FAM149B1: variants seen among roughly 807,000 people sequenced by gnomAD.
FAM149B1 encodes primary cilium assembly protein FAM149B1.
A neutral mutation model predicts 75.3 loss-of-function variants in FAM149B1; 56 were observed. The ratio of observed to expected loss-of-function variants is 0.74; its 90% CI spans 0.60 to 0.93. FAM149B1 has a LOEUF of 0.93. Ranked by LOEUF, FAM149B1 falls within the 40% of genes least tolerant of loss-of-function variation. FAM149B1 has a pLI of 0.00. For missense variants in FAM149B1, 639 were observed against 708.4 expected (o/e 0.90, Z 1.11); for synonymous variants, 259 against 256.1 (o/e 1.01, Z -0.11).
intron 3 of FAM149B1, among the ~76,000 whole-genome samples, chr10:73,182,495 C>A (rs141114146): frequency 6.6e-6 from 1 of 152,248 alleles, no homozygotes; most frequent in East Asian, 1.9e-4. Flanking sequence ...TACAGGCATG[C>A]GCCACTGCAC....
Position 73,243,326 on chromosome 10 carries a change from C to T in FAM149B1, c.*2307C>T. The T allele has an allele frequency of 3.2e-6, 5 of 1,564,802 alleles. No homozygotes were observed. The highest frequency in any genetic ancestry group is 4.3e-6 in the Non-Finnish European group (5 of 1,152,134). ...TCTCAAGAGCTGAATTGACTTTTGC[C>T]TTCAAATCCTGCCTGCACCTTGCCT... is the stretch of plus-strand genomic sequence containing the variant. On this transcript the variant is annotated 3_prime_UTR_variant, in exon 14 of 14. Transcript: ENST00000242505.
chr10:73,201,074 G>C lies in FAM149B1; in HGVS notation c.542+7481G>C, dbSNP rs116942078. On this transcript the variant is annotated intron_variant, in intron 5 of 13. Coordinates refer to ENST00000242505, the MANE Select transcript of FAM149B1 (RefSeq NM_173348.2). ...GATCTACCTAGCAGTCATGAAAACT[G>C]TATTCGCAGAATTGGCAGAGGGGTC... 64 of 278,956 alleles carry C rather than the reference G, an allele frequency of 2.3e-4. No homozygotes were observed. The East Asian group carries it at 5.8e-3, about 25-fold the overall frequency. 17.3% of individuals were successfully genotyped at this position (278,956 alleles called of 1,614,324 possible).
chr10:73,184,150 T>C (rs1234202556), intron 3 of FAM149B1, among the ~76,000 whole-genome samples: 1 of 152,002 alleles, frequency 6.6e-6, no homozygotes, highest in Non-Finnish European at 1.5e-5. Flanking sequence ...CAAGAGGGCA[T>C]CCAGAAATTA....
chr10:73,208,067 G>A (rs2043106694), intron 5 of FAM149B1, among the ~76,000 whole-genome samples: 1 of 152,246 alleles, frequency 6.6e-6, no homozygotes, highest in Non-Finnish European at 1.5e-5. Flanking sequence ...CCCAATGCTA[G>A]AGGTGGGGCC....
At position 73,208,773 on chromosome 10, in the gene FAM149B1, G is replaced by T; in HGVS notation, c.697G>T (p.Asp233Tyr). 6.6e-7 allele frequency: 1 copy of T among 1,514,092 alleles called. No homozygotes were observed. The highest frequency in any genetic ancestry group is 1.3e-5 in the South Asian group (1 of 78,316). 93.8% of individuals were successfully genotyped at this position (1,514,092 alleles called of 1,614,324 possible). Residue 233 changes from aspartate (D) to tyrosine (Y), a missense_variant, in exon 6 of 14, where the codon GAT becomes TAT. By Grantham distance (160) the Asp-to-Tyr change is radical. Coordinates refer to ENST00000242505, the MANE Select transcript of FAM149B1 (RefSeq NM_173348.2). ...EGIIEEYLAF[D>Y]HIDIEEGFHG... The stretch of plus-strand genomic sequence containing the variant: ...AATAATTGAGGAATACCTAGCATTC[G>T]ATCACATAGATATGTGAGTATTATG...
rs1401835214 is a variant in FAM149B1, at chr10:73,234,957, T to C, written c.1476+17T>C. ...AGACAGATGGTATGTTTCTTTCATA[T>C]TGCCTCTCCATGTACTTACCATACA... On this transcript the variant is annotated intron_variant, in intron 11 of 13. Transcript: ENST00000242505. 1.9e-6 allele frequency: 3 copies of C among 1,551,456 alleles called. No individual in the cohort carries two copies. Among genetic ancestry groups the C allele is most frequent in the East Asian group, 2.4e-5 (1 of 40,934 alleles).
chr10:73,206,014 G>A (rs1029264296), intron 5 of FAM149B1, among the ~76,000 whole-genome samples: 2 of 152,196 alleles, frequency 1.3e-5, no homozygotes, highest in Non-Finnish European at 2.9e-5. Flanking sequence ...CAGGAAGAGG[G>A]AAAGTTTAGA....
At position 73,232,994 on chromosome 10, in the gene FAM149B1, C is replaced by T. The variant is rs144804269; in HGVS notation, c.1183C>T (p.Arg395Ter). The T allele has an allele frequency of 3.7e-5, 58 of 1,551,998 alleles. 1 individual carries two copies. In the African/African-American group the frequency reaches 6.3e-4, roughly 17 times the overall value. Residue 395 changes from arginine to a stop codon, truncating the protein, a stop_gained, in exon 10 of 14, where the codon CGA becomes TGA. Coordinates refer to ENST00000242505, the MANE Select transcript of FAM149B1 (RefSeq NM_173348.2). LOFTEE classifies it high-confidence loss of function. ...TGGGTCCAGTACCATCCTTTCAACT[C>T]GAAATTGGCCAAATCGAGCTGTGGA... Reference protein sequence around the residue: ...RPGSSTILSTRNWPNRAVEFS... With the variant: ...RPGSSTILST
intron 5 of FAM149B1, among the ~76,000 whole-genome samples, chr10:73,204,345 A>C (rs930762142): frequency 1.3e-5 from 2 of 151,912 alleles, no homozygotes; most frequent in African/African-American, 4.8e-5. Context: ...GGCTGGTCTC[A>C]AACTCCTGAC....
intron 3 of FAM149B1, among the ~76,000 whole-genome samples, chr10:73,185,872 AAT>A (rs1323543420): frequency 6.6e-6 from 1 of 152,192 alleles, no homozygotes; most frequent in African/African-American, 2.4e-5. Context: ...TATACACTTA[AAT>A]ATTTAAAGAA....
rs949630521 is a variant in FAM149B1, at chr10:73,191,902, CT to C, written c.283-643del. Reference sequence around the variant, plus strand: ...AATATGTTACTTTTAAAAATATAGACTTTTTTTTTTTGAGACACAGTCTAGC... The same window carrying C: ...AATATGTTACTTTTAAAAATATAGACTTTTTTTTTTGAGACACAGTCTAGC... On this transcript the variant is annotated intron_variant, in intron 3 of 13. Transcript: ENST00000242505. 3.7e-4 allele frequency among the ~76,000 whole-genome samples: 54 copies of C among 146,542 alleles called. 1 individual carries two copies. The highest frequency in any genetic ancestry group is 8.2e-4 in the Admixed American group (12 of 14,708).
intron 3 of FAM149B1, among the ~76,000 whole-genome samples, chr10:73,186,803 C>T (rs1354586331): frequency 6.6e-6 from 1 of 152,136 alleles, no homozygotes; most frequent in Non-Finnish European, 1.5e-5. Context: ...TTGTTTGATT[C>T]CATTTATATG....
intron 3 of FAM149B1, among the ~76,000 whole-genome samples, chr10:73,179,379 C>T (rs2042340749): frequency 6.6e-6 from 1 of 152,080 alleles, no homozygotes; most frequent in Non-Finnish European, 1.5e-5. Flanking sequence ...AAACACTTCT[C>T]CACAATATTG....
At chr10:73,210,164 T>G in intron 6 of FAM149B1, 87 bp from the exon 7 acceptor site, 2 of 823,668 alleles carry the variant, frequency 2.4e-6, no homozygotes, top group Non-Finnish European at 3.7e-6. Context: ...CAAATCAAAG[T>G]GAATTTTCAG....
In FAM149B1 at chr10:73,234,598, T is replaced by C; in HGVS notation, c.1353-219T>C. The C allele has an allele frequency of 9.6e-6, 5 of 523,492 alleles. No individual in the cohort carries two copies. In the South Asian group the frequency reaches 1.1e-4, roughly 12 times the overall value. 32.4% of individuals were successfully genotyped at this position (523,492 alleles called of 1,614,324 possible). A position where few individuals can be genotyped will look rare whatever the true frequency, so the allele number is the denominator to read the frequency against. On this transcript the variant is annotated intron_variant, in intron 10 of 13. Coordinates refer to ENST00000242505, the MANE Select transcript of FAM149B1 (RefSeq NM_173348.2). The stretch of plus-strand genomic sequence containing the variant: ...GGAGAGAAAAGGCCAGCTTCTGTTG[T>C]GTACCCAGAGTATAGAGCTTCAAAA...
chr10:73,227,265 T>C (rs1232513657), intron 7 of FAM149B1, among the ~76,000 whole-genome samples: 1 of 151,992 alleles, frequency 6.6e-6, no homozygotes, highest in Non-Finnish European at 1.5e-5. Context: ...TTTTAATTTT[T>C]TTTGTAGAGA....
chr10:73,197,008 G>T (rs1490953617), intron 5 of FAM149B1, among the ~76,000 whole-genome samples: 6 of 151,866 alleles, frequency 4.0e-5, no homozygotes, highest in African/African-American at 1.4e-4. Flanking sequence ...TTTTGGTTTT[G>T]TTTTTTGTTT....
chr10:73,220,426 A>C (rs2043383951), intron 7 of FAM149B1, among the ~76,000 whole-genome samples: 1 of 152,186 alleles, frequency 6.6e-6, no homozygotes, highest in African/African-American at 2.4e-5. Context: ...TAGGTATATA[A>C]AAAAGAGAAC....
At position 73,194,665 on chromosome 10, in the gene FAM149B1, T is replaced by A. The variant is rs193134927; in HGVS notation, c.542+1072T>A. The stretch of plus-strand genomic sequence containing the variant: ...GGCATGAACCACCGCACCCAGACTT[T>A]TTTTTTTCTTTTTTCTTTTTTTTTC... On this transcript the variant is annotated intron_variant, in intron 5 of 13. Transcript: ENST00000242505. Among the ~76,000 whole-genome samples, 192 of 150,206 alleles carry A rather than the reference T, an allele frequency of 1.3e-3. 1 individual carries two copies. Among genetic ancestry groups the A allele is most frequent in the Middle Eastern group, 3.5e-3 (1 of 286 alleles).
Sources: gnomAD v4.1 joint callset for allele counts (sites outside exome capture counted in the v4.1 genomes callset) on GRCh38, gnomAD v4.1.1 for gene constraint, MANE v1.5 for transcripts, NCBI Gene and HGNC (gene_info 2026-07-23, HGNC 2026-07-21) for gene names.